Variants in FCSK observed in about 807,000 individuals in gnomAD.
FCSK encodes the protein fucose kinase, also known as L-fucose kinase.
Under a neutral mutation model 122.5 loss-of-function variants are expected in FCSK, and 123 were observed. The ratio of observed to expected loss-of-function variants is 1.00; its 90% confidence interval spans 0.87 to 1.17. The LOEUF (loss-of-function observed/expected upper bound fraction) is 1.17. Ranked by LOEUF, FCSK falls within the 50% of genes most tolerant of loss-of-function variation. The probability of loss-of-function intolerance (pLI) is 0.00; values close to 1 mark genes in which losing one functional copy is unlikely to be tolerated. For synonymous variants in FCSK, 620 were observed against 625.5 expected (o/e 0.99, Z 0.13); for missense variants, 1,366 against 1,450.4 (o/e 0.94, Z 0.95).
In FCSK at chr16:70,473,256, C is replaced by G. The variant is rs759951573; in HGVS notation, c.1680C>G (p.His560Gln). ...FFRQALHKAR[H>Q]VLEARQDLSL... Reference sequence around the variant, plus strand: ...GCCAGGCCCTGCATAAGGCGCGGCACGTGCTGGAGGCCCGGCAGGACCTCA... The same window carrying G: ...GCCAGGCCCTGCATAAGGCGCGGCAGGTGCTGGAGGCCCGGCAGGACCTCA... The change falls in exon 15 of 24, where the codon CAC (histidine) becomes CAG (glutamine). Residue 560 changes from histidine to glutamine, a missense_variant. Coordinates refer to ENST00000288078, the MANE Select transcript of FCSK (RefSeq NM_145059.3). The surrounding 1 kb of genome is among the most constrained non-coding windows in gnomAD (Gnocchi z 4.9). 1.3e-6 allele frequency: 2 copies of G among 1,532,264 alleles called. No homozygotes were observed. The highest frequency in any genetic ancestry group is 2.3e-4 in the Middle Eastern group (1 of 4,400). 94.9% of individuals were successfully genotyped at this position (1,532,264 alleles called of 1,614,324 possible).
intron 21 of FCSK, 21 bp downstream of exon 21, chr16:70,478,480 G>A (rs747895831): frequency 6.2e-7 from 1 of 1,613,660 alleles, no homozygotes; most frequent in Admixed American, 1.7e-5. Flanking sequence ...GCCCCAGCAT[G>A]AGGGAGGCAG....
At chr16:70,469,365 G>A in intron 10 of FCSK, 42 bp downstream of exon 10, 1 of 1,532,586 alleles carries the variant, frequency 6.5e-7, no homozygotes, top group Non-Finnish European at 8.7e-7. Flanking sequence ...GGAGACCATG[G>A]GAGTGAGGAC....
In FCSK at chr16:70,471,075, G is replaced by A; in HGVS notation, c.1170+3G>A. The A allele has an allele frequency of 6.3e-7, 1 of 1,598,858 alleles. No homozygotes were observed. Among genetic ancestry groups the A allele is most frequent in the Non-Finnish European group, 8.5e-7 (1 of 1,175,294 alleles). On this transcript the variant is annotated splice_donor_region_variant and intron_variant, in intron 12 of 23. Coordinates refer to ENST00000288078, the MANE Select transcript of FCSK (RefSeq NM_145059.3). ...TCCTGCAGCACTGCCACCTGCAGGT[G>A]AGGCCTGAGCGTGTGGGCAGATTGG... is the stretch of plus-strand genomic sequence containing the variant.
intron 14 of FCSK, 71 bp from the exon 15 acceptor site, chr16:70,472,912 C>A: frequency 6.7e-7 from 1 of 1,498,478 alleles, no homozygotes; most frequent in Middle Eastern, 1.8e-4. Context: ...AACTGACAGG[C>A]GGCTCAGGGC....
At chr16:70,478,956 G>T in intron 22 of FCSK, 1 of 677,222 alleles carries the variant, frequency 1.5e-6, no homozygotes, top group Non-Finnish European at 2.7e-6. Context: ...TGGCTTCACA[G>T]CTCCCTAGAT....
intron 14 of FCSK, 30 bp downstream of exon 14, chr16:70,472,635 G>A (rs910818811): frequency 1.3e-6 from 2 of 1,569,662 alleles, no homozygotes; most frequent in Admixed American, 1.7e-5. Context: ...GGCCTCTGTG[G>A]GCCTGGGCAG....
Position 70,466,863 on chromosome 16 carries a change from T to G in FCSK, c.412-19T>G. ...CCTGGGCCAGGCACCAGCTGTGTTC[T>G]GTCTCCTTCCCCCCACAGCTGGGCC... On this transcript the variant is annotated intron_variant, in intron 5 of 23. Transcript: ENST00000288078. 2 of 1,609,860 alleles carry G rather than the reference T, an allele frequency of 1.2e-6. No individual in the cohort carries two copies. The highest frequency in any genetic ancestry group is 1.7e-6 in the Non-Finnish European group (2 of 1,177,730).
chr16:70,465,117 C>A lies in FCSK; in HGVS notation c.235-9C>A. On this transcript the variant is annotated splice_polypyrimidine_tract_variant and intron_variant, in intron 3 of 23. Transcript: ENST00000288078. ...GGCCTCTGTTCACAGGGCTTTCCCA[C>A]TCCTGCAGGTGGTCACATCCGATGT... 1 of 1,613,774 alleles carries A rather than the reference C, an allele frequency of 6.2e-7. No individual in the cohort carries two copies. Among genetic ancestry groups the A allele is most frequent in the Non-Finnish European group, 8.5e-7 (1 of 1,179,884 alleles).
At chr16:70,455,586 A>T (rs2048068127) in intron 1 of FCSK, among the ~76,000 whole-genome samples, 2 of 150,720 alleles carry the variant, frequency 1.3e-5, no homozygotes, top group Admixed American at 1.3e-4. Context: ...ACTCCAGCAA[A>T]CTATTAATTA....
In FCSK at chr16:70,474,757, G is replaced by A. The variant is rs774030290; in HGVS notation, c.2156-33G>A. 1.5e-5 allele frequency: 24 copies of A among 1,557,120 alleles called. No individual in the cohort carries two copies. The South Asian group carries it at 2.0e-4, about 13-fold the overall frequency. ...CCCCAGAGCCAGGCTGGCAGCTTCT[G>A]TGACCAGCTTGAGTCTTGCCACACT... On this transcript the variant is annotated intron_variant, in intron 17 of 23. Transcript: ENST00000288078.
intron 11 of FCSK, 78 bp from the exon 12 acceptor site, chr16:70,470,893 G>C (rs2048590981): frequency 7.6e-7 from 1 of 1,322,434 alleles, no homozygotes; most frequent in African/African-American, 1.5e-5. Flanking sequence ...CTTTGCCCCT[G>C]GATGCTTGGC....
Position 70,473,427 on chromosome 16 carries a change from C to T in FCSK, c.1777+74C>T, listed in dbSNP as rs1201482173. 1.4e-6 allele frequency: 2 copies of T among 1,422,202 alleles called. No homozygotes were observed. The highest frequency in any genetic ancestry group is 9.2e-7 in the Non-Finnish European group (1 of 1,082,736). The allele number at this position is 1,422,202 out of a possible 1,614,324, so 88.1% of individuals were successfully genotyped here. On this transcript the variant is annotated intron_variant, in intron 15 of 23. Coordinates refer to ENST00000288078, the MANE Select transcript of FCSK (RefSeq NM_145059.3). This position sits in a 1 kb window ranked among gnomAD's most constrained non-coding sequence, Gnocchi z 4.9. Reference sequence around the variant, plus strand: ...CCCTCCCTGTCCTCTGGGCCATCCCCTGAGGGGACTAGGGGACCATGAGGT... The same window carrying T: ...CCCTCCCTGTCCTCTGGGCCATCCCTTGAGGGGACTAGGGGACCATGAGGT...
At position 70,469,206 on chromosome 16, in the gene FCSK, G is replaced by T. The variant is rs756191118; in HGVS notation, c.838G>T (p.Asp280Tyr). 1 of 1,614,054 alleles carries T rather than the reference G, an allele frequency of 6.2e-7. No individual in the cohort carries two copies. Among genetic ancestry groups the T allele is most frequent in the Non-Finnish European group, 8.5e-7 (1 of 1,179,942 alleles). The change falls in exon 10 of 24, where the codon GAC (aspartate) becomes TAC (tyrosine). Residue 280 changes from aspartate (D) to tyrosine (Y), a missense_variant. Transcript: ENST00000288078. ...HCMAENVTRE[D>Y]FLVGRPPELG... is the part of the protein sequence containing the mutation. The stretch of plus-strand genomic sequence containing the variant: ...CATGGCTGAGAACGTGACCAGGGAG[G>T]ACTTCCTGGTGGGGAGGCCCCCAGA...
At chr16:70,460,269 G>A (rs565713828) in intron 1 of FCSK, among the ~76,000 whole-genome samples, 8 of 148,142 alleles carry the variant, frequency 5.4e-5, no homozygotes, top group Non-Finnish European at 1.2e-4. Context: ...CCGCCACCAC[G>A]CCCAGCTAAT....
chr16:70,454,749 C>G (rs1407170895), intron 1 of FCSK, 119 bp downstream of exon 1: 1 of 152,174 alleles, frequency 6.6e-6, no homozygotes, highest in African/African-American at 2.4e-5. Flanking sequence ...CGCGGGCCGC[C>G]CGGGTCCTGA....
At position 70,473,274 on chromosome 16, in the gene FCSK, G is replaced by A; in HGVS notation, c.1698G>A (p.Gln566=). 2 of 1,530,778 alleles carry A rather than the reference G, an allele frequency of 1.3e-6. No individual in the cohort carries two copies. Among genetic ancestry groups the A allele is most frequent in the Non-Finnish European group, 1.8e-6 (2 of 1,141,502 alleles). 94.8% of individuals were successfully genotyped at this position (1,530,778 alleles called of 1,614,324 possible). ...CGCGGCACGTGCTGGAGGCCCGGCA[G>A]GACCTCAGCCTGCGCCCGCTGATCT... ...HKARHVLEAR[Q]DLSLRPLIWA... is the part of the protein sequence containing the mutation. The change falls in exon 15 of 24, where the codon CAG becomes CAA. Residue 566 remains glutamine, a synonymous_variant. Coordinates refer to ENST00000288078, the MANE Select transcript of FCSK (RefSeq NM_145059.3). The surrounding 1 kb of genome is among the most constrained non-coding windows in gnomAD (Gnocchi z 4.9).
rs765694378 is a variant in FCSK, at chr16:70,463,234, C to T, written c.44C>T (p.Thr15Ile). The change falls in exon 2 of 24, where the codon ACC (threonine) becomes ATC (isoleucine). Residue 15 changes from threonine (T) to isoleucine (I), a missense_variant. Transcript: ENST00000288078. ...KGVDWTVIIL[T>I]CQYKDSVQVF... ...GTTGATTGGACAGTCATCATCCTGACCTGCCAGTACAAGGACAGTGTCCAG... is the reference window on the plus strand; with the variant it reads ...GTTGATTGGACAGTCATCATCCTGATCTGCCAGTACAAGGACAGTGTCCAG... 35 of 1,614,066 alleles carry T rather than the reference C, an allele frequency of 2.2e-5. No homozygotes were observed. Among genetic ancestry groups the T allele is most frequent in the Non-Finnish European group, 2.8e-5 (33 of 1,179,976 alleles).
intron 1 of FCSK, among the ~76,000 whole-genome samples, chr16:70,456,808 C>G (rs140843930): frequency 0.034 from 5,174 of 152,166 alleles, 305 homozygotes; most frequent in African/African-American, 0.12. Flanking sequence ...ATCCCAAGGT[C>G]AGGAGTTTGA....
In FCSK at chr16:70,466,236, G is replaced by A. The variant is rs2048414993; in HGVS notation, c.390G>A (p.Leu130=). 2.5e-6 allele frequency: 4 copies of A among 1,614,004 alleles called. No individual in the cohort carries two copies. The Middle Eastern group carries it at 6.6e-4, about 266-fold the overall frequency. ...VEALVCNLDC[L]LDIMTYRLGP... ...CCTTGGTCTGCAACCTGGACTGCCTGCTGGACATCATGACCTATCGGGTGA... is the reference window on the plus strand; with the variant it reads ...CCTTGGTCTGCAACCTGGACTGCCTACTGGACATCATGACCTATCGGGTGA... Residue 130 remains leucine, a synonymous_variant, in exon 5 of 24, where the codon CTG becomes CTA. Coordinates refer to ENST00000288078, the MANE Select transcript of FCSK (RefSeq NM_145059.3).
Sources: gnomAD v4.1 joint callset for allele counts (sites outside exome capture counted in the v4.1 genomes callset) on GRCh38, gnomAD v4.1.1 for gene constraint, Gnocchi (gnomAD v3.1) non-coding constraint, MANE v1.5 for transcripts, NCBI Gene and HGNC (gene_info 2026-07-23, HGNC 2026-07-21) for gene names.